Variants in CSMD3 observed in about 807,000 individuals in gnomAD.
CSMD3 encodes CUB and Sushi multiple domains 3, also known as CUB and sushi domain-containing protein 3.
A neutral mutation model predicts 435.2 loss-of-function variants in CSMD3; 177 were observed. The observed-to-expected ratio is 0.41, with a 90% CI of 0.36 to 0.46. The LOEUF (loss-of-function observed/expected upper bound fraction) is 0.46. Among genes scored for constraint, CSMD3 ranks in the 20% least tolerant of loss-of-function variants. The pLI, the probability that CSMD3 is intolerant of heterozygous loss-of-function variation, is 0.34. For missense variants in CSMD3, 4,265 were observed against 4,504.6 expected (o/e 0.95, Z 1.52); for synonymous variants, 1,656 against 1,520.5 (o/e 1.09, Z -2.07).
At chr8:112,489,952 G>A (rs1376376199) in intron 31 of CSMD3, among the ~76,000 whole-genome samples, 1 of 152,052 alleles carries the variant, frequency 6.6e-6, no homozygotes, top group Non-Finnish European at 1.5e-5. Flanking sequence ...TTTCAGGAGT[G>A]AATGAATGTG....
intron 28 of CSMD3, among the ~76,000 whole-genome samples, chr8:112,511,698 T>C (rs749830083): frequency 1.3e-5 from 2 of 152,206 alleles, no homozygotes; most frequent in East Asian, 3.9e-4. Context: ...GGTGGCATTT[T>C]CGTAAAATAA....
chr8:113,067,309 A>T (rs2088901879), intron 5 of CSMD3, among the ~76,000 whole-genome samples: 1 of 152,132 alleles, frequency 6.6e-6, no homozygotes, highest in South Asian at 2.1e-4. Context: ...TAAGCAAAAA[A>T]ATTACTGATT....
At chr8:112,644,800 G>T (rs1205666810) in intron 20 of CSMD3, among the ~76,000 whole-genome samples, 1 of 151,986 alleles carries the variant, frequency 6.6e-6, no homozygotes, top group Non-Finnish European at 1.5e-5. Context: ...TTAACACTAT[G>T]CCAGAAACTA....
intron 5 of CSMD3, among the ~76,000 whole-genome samples, chr8:113,064,941 A>T (rs1362260780): frequency 2.0e-5 from 3 of 152,212 alleles, no homozygotes; most frequent in Non-Finnish European, 2.9e-5. Context: ...TAGCACCAAG[A>T]TAAATTTAGC....
chr8:113,393,299 T>A (rs1265128699), intron 1 of CSMD3, among the ~76,000 whole-genome samples: 1 of 152,098 alleles, frequency 6.6e-6, no homozygotes, highest in Non-Finnish European at 1.5e-5. Flanking sequence ...TCCTGTTTAC[T>A]GCAAAACACT....
chr8:113,191,964 C>T lies in CSMD3; in HGVS notation c.515-18048G>A, dbSNP rs367922580. On this transcript the variant is annotated intron_variant, in intron 3 of 70. Transcript: ENST00000297405. ...CATTCTGACTGGTGTAAGATGGTAT[C>T]TCATTGTGGTTTTGATTTGCATTTC... Among the ~76,000 whole-genome samples, 9 of 151,974 alleles carry T rather than the reference C, an allele frequency of 5.9e-5. No individual in the cohort carries two copies. In the East Asian group the frequency reaches 1.8e-3, roughly 30 times the overall value.
rs549640917 is a variant in CSMD3 at position 113,232,809 on chromosome 8, C to T, written c.514+45783G>A. Among the ~76,000 whole-genome samples, 51 of 151,518 alleles carry T rather than the reference C, an allele frequency of 3.4e-4. 1 individual carries two copies. The highest frequency in any genetic ancestry group is 2.0e-3 in the Admixed American group (30 of 15,164). ...TACTCTCATAAAAACTCAACCTAAA[C>T]GAAGAAAAAAAGAGGAAACAGTCTG... On this transcript the variant is annotated intron_variant, in intron 3 of 70. Transcript: ENST00000297405.
At chr8:112,688,090 A>G (rs1329940739) in intron 14 of CSMD3, among the ~76,000 whole-genome samples, 1 of 152,150 alleles carries the variant, frequency 6.6e-6, no homozygotes, top group African/African-American at 2.4e-5. Context: ...GAAGGCAGCC[A>G]TGCACAATCA....
At chr8:113,046,471 G>A (rs1374139019) in intron 5 of CSMD3, among the ~76,000 whole-genome samples, 2 of 128,300 alleles carry the variant, frequency 1.6e-5, no homozygotes, top group African/African-American at 2.5e-5. Flanking sequence ...TCTGAAGTCC[G>A]CGGGCCTGAG....
At chr8:113,432,297 T>C (rs2094678942) in intron 1 of CSMD3, among the ~76,000 whole-genome samples, 1 of 152,166 alleles carries the variant, frequency 6.6e-6, no homozygotes, top group Admixed American at 6.5e-5. Context: ...ACTTAGCAAC[T>C]CGGTGGTGCA....
intron 50 of CSMD3, among the ~76,000 whole-genome samples, chr8:112,308,397 G>T (rs1821645567): frequency 1.3e-5 from 2 of 152,038 alleles, no homozygotes. Context: ...TATATGTTTA[G>T]TAAAATGTGG....
rs146402580 is a variant in CSMD3 at position 112,398,459 on chromosome 8, C to T, written c.5810-7671G>A. On this transcript the variant is annotated intron_variant, in intron 35 of 70. Coordinates refer to ENST00000297405, the MANE Select transcript of CSMD3 (RefSeq NM_198123.2). ...TGTAGCTCCACTGGACATTTTTCCA[C>T]AAGGCAATGCTAAAGGTGTGGGGCT... Among the ~76,000 whole-genome samples, 262 of 152,298 alleles carry T rather than the reference C, an allele frequency of 1.7e-3. 3 individuals carry two copies. The highest frequency in any genetic ancestry group is 6.1e-3 in the African/African-American group (255 of 41,560).
At chr8:112,751,027 A>C (rs915488270) in intron 13 of CSMD3, among the ~76,000 whole-genome samples, 1 of 152,100 alleles carries the variant, frequency 6.6e-6, no homozygotes, top group Non-Finnish European at 1.5e-5. Context: ...AAGTCCTTGA[A>C]ACAATCCCCT....
At chr8:113,340,598 A>G (rs1184067670) in intron 1 of CSMD3, among the ~76,000 whole-genome samples, 1 of 152,010 alleles carries the variant, frequency 6.6e-6, no homozygotes, top group African/African-American at 2.4e-5. Context: ...TTGTTTGCCA[A>G]GCATGGTGGT....
At chr8:112,346,740 G>T (rs949477292) in intron 40 of CSMD3, among the ~76,000 whole-genome samples, 1 of 127,440 alleles carries the variant, frequency 7.8e-6, no homozygotes, top group South Asian at 2.5e-4. Context: ...GTGCAGTGGC[G>T]CAATCTCGGC....
intron 22 of CSMD3, 132 bp downstream of exon 22, chr8:112,636,684 GA>G: frequency 1.3e-6 from 1 of 792,566 alleles, no homozygotes; most frequent in South Asian, 1.5e-5. Flanking sequence ...TTGCCAAATA[GA>G]AAAAAAGTTG....
intron 1 of CSMD3, among the ~76,000 whole-genome samples, chr8:113,379,288 A>T (rs2094404425): frequency 6.6e-6 from 1 of 152,130 alleles, no homozygotes; most frequent in Non-Finnish European, 1.5e-5. Context: ...TTTTCTGAGA[A>T]TTAAAAAAAA....
In CSMD3 at chr8:113,206,891, T is replaced by C. The variant is rs1294113904; in HGVS notation, c.515-32975A>G. On this transcript the variant is annotated intron_variant, in intron 3 of 70. Transcript: ENST00000297405. ...CAATTCTTGTACAAATATTCTTACA[T>C]ACTATCAAGTTTGTTTCTACACAAT... Among the ~76,000 whole-genome samples, 5 of 152,196 alleles carry C rather than the reference T, an allele frequency of 3.3e-5. No homozygotes were observed. In the South Asian group the frequency reaches 8.3e-4, roughly 25 times the overall value.
intron 53 of CSMD3, among the ~76,000 whole-genome samples, chr8:112,298,506 T>C (rs1820563724): frequency 6.6e-6 from 1 of 152,050 alleles, no homozygotes; most frequent in Admixed American, 6.6e-5. Context: ...AACTTGAAAA[T>C]TCCTCGTTGT....
Sources: allele counts gnomAD v4.1 joint callset (sites outside exome capture counted in the v4.1 genomes callset), GRCh38; gene constraint gnomAD v4.1.1; transcripts MANE v1.5; gene names NCBI Gene and HGNC (gene_info 2026-07-23, HGNC 2026-07-21).